TRIP12: variants seen among roughly 807,000 people sequenced by gnomAD.
TRIP12 encodes thyroid hormone receptor interactor 12.
TRIP12 carries 25 observed loss-of-function variants against 244.2 expected under a neutral mutation model. The observed-to-expected ratio is 0.10, with a 90% confidence interval of 0.07 to 0.14. TRIP12 has a LOEUF of 0.14. Ranked by LOEUF, TRIP12 falls within the 10% of genes least tolerant of loss-of-function variation. The pLI is 1.00. For missense variants in TRIP12, 1,677 were observed against 2,486.4 expected, an observed-to-expected ratio of 0.67 and a Z score of 6.92; for synonymous variants, 905 against 873.1, an observed-to-expected ratio of 1.04 and a Z score of -0.64.
In TRIP12 at chr2:229,792,266, A is replaced by C. The variant is rs2041724300; in HGVS notation, c.4142-40T>G. ...AGACTTTTAAACTCTTAGCGATTTT[A>C]GGTGTAAAAAAAAAAAAATCCTGTA... On this transcript the variant is annotated intron_variant, in intron 27 of 41. Coordinates refer to ENST00000675903, the MANE Select transcript of TRIP12 (RefSeq NM_001348323.3). 4 of 1,580,660 alleles carry C rather than the reference A, an allele frequency of 2.5e-6. No individual in the cohort carries two copies. In the South Asian group the frequency reaches 4.6e-5, roughly 18 times the overall value.
At chr2:229,771,700 A>G (rs1295360782) in intron 38 of TRIP12, 68 bp from the exon 39 acceptor site, 1 of 1,182,262 alleles carries the variant, frequency 8.5e-7, no homozygotes, top group African/African-American at 1.5e-5. Flanking sequence ...AATATGTGGC[A>G]AAGTACAGTG....
chr2:229,849,987 T>C (rs2058355134), intron 4 of TRIP12, among the ~76,000 whole-genome samples: 1 of 151,660 alleles, frequency 6.6e-6, no homozygotes, highest in Admixed American at 6.6e-5. Context: ...AGTGATTTTG[T>C]ATTTTTCTTC....
intron 2 of TRIP12, among the ~76,000 whole-genome samples, chr2:229,878,007 CTAAGTA>C (rs1477415371): frequency 1.3e-5 from 2 of 152,152 alleles, no homozygotes; most frequent in South Asian, 2.1e-4. Flanking sequence ...GCTCTATATA[CTAAGTA>C]TAAGTGATAA....
At chr2:229,870,502 G>A (rs1467508887) in intron 2 of TRIP12, among the ~76,000 whole-genome samples, 1 of 152,180 alleles carries the variant, frequency 6.6e-6, no homozygotes, top group African/African-American at 2.4e-5. Flanking sequence ...TTTGGGATCT[G>A]TATAAGATTT....
intron 39 of TRIP12, among the ~76,000 whole-genome samples, chr2:229,769,933 G>T (rs1436727447): frequency 1.3e-5 from 2 of 152,086 alleles, no homozygotes; most frequent in Non-Finnish European, 2.9e-5. Context: ...CCAATTTGAG[G>T]CCAATGAAAT....
chr2:229,771,695 G>T, intron 38 of TRIP12, 63 bp from the exon 39 acceptor site: 1 of 1,258,902 alleles, frequency 7.9e-7, no homozygotes. Flanking sequence ...TATTTAATAT[G>T]TGGCAAAGTA....
rs3215750 is a variant in TRIP12 at position 229,768,856 on chromosome 2, T to TAAATC, written c.5904-138_5904-137insGATTT. 253,415 of 802,774 alleles carry TAAATC rather than the reference T, an allele frequency of 0.32. 42,755 individuals carry two copies. The highest frequency in any genetic ancestry group is 0.42 in the Middle Eastern group (1,268 of 3,004). The allele number at this position is 802,774 out of a possible 1,614,324, so 49.7% of individuals were successfully genotyped here. ...CATACATTTTCCATTACAATGTACT[T>TAAATC]AAATTCGTTTCTGTTATGACTAGAC... On this transcript the variant is annotated intron_variant, in intron 40 of 41. Transcript: ENST00000675903.
intron 2 of TRIP12, among the ~76,000 whole-genome samples, chr2:229,869,224 T>G (rs1258866176): frequency 6.6e-6 from 1 of 152,140 alleles, no homozygotes. Flanking sequence ...CCTTCCTTAC[T>G]CCAATCATGT....
At chr2:229,888,674 G>C (rs745911138) in intron 1 of TRIP12, among the ~76,000 whole-genome samples, 1 of 152,140 alleles carries the variant, frequency 6.6e-6, no homozygotes, top group Non-Finnish European at 1.5e-5. Context: ...GCGTGGTAGC[G>C]CGCCTGTAGT....
chr2:229,855,776 T>A (rs1262939759), intron 4 of TRIP12, among the ~76,000 whole-genome samples: 1 of 152,142 alleles, frequency 6.6e-6, no homozygotes, highest in Non-Finnish European at 1.5e-5. Context: ...GCATGGTGGC[T>A]CAGGCCTGTA....
intron 1 of TRIP12, among the ~76,000 whole-genome samples, chr2:229,912,260 A>T (rs778179233): frequency 2.0e-5 from 3 of 152,244 alleles, no homozygotes; most frequent in Non-Finnish European, 2.9e-5. Context: ...AAACTTTTAT[A>T]TGTAGTATCA....
At chr2:229,789,482 A>T (rs1208424689) in intron 31 of TRIP12, 129 bp downstream of exon 31, 11 of 1,051,430 alleles carry the variant, frequency 1.0e-5, no homozygotes, top group Non-Finnish European at 1.4e-5. Context: ...GTTTCCACTG[A>T]TGAGTACATT....
Position 229,768,691 on chromosome 2 carries a change from G to C in TRIP12, c.5932C>G (p.Leu1978Val). 6.2e-7 allele frequency: 1 copy of C among 1,606,820 alleles called. No individual in the cohort carries two copies. The highest frequency in any genetic ancestry group is 8.5e-7 in the Non-Finnish European group (1 of 1,178,306). Residue 1978 changes from leucine to valine, a missense_variant, in exon 41 of 42, where the codon CTC (leucine) becomes GTC (valine). Leu to Val is a conservative substitution (Grantham distance 32). Coordinates refer to ENST00000675903, the MANE Select transcript of TRIP12 (RefSeq NM_001348323.3). The part of the protein sequence containing the change: ...SRAVKFLFEI[L>V]SSFDNEQQRL... ...TGCTGCTCATTATCAAAACTACTGA[G>C]AATCTCAAACAAAAACTTCACAGCC... is the stretch of plus-strand genomic sequence containing the variant.
intron 1 of TRIP12, among the ~76,000 whole-genome samples, chr2:229,889,198 C>T (rs923040279): frequency 6.6e-6 from 1 of 152,092 alleles, no homozygotes; most frequent in Non-Finnish European, 1.5e-5. Flanking sequence ...TAAGGAAGTA[C>T]GTGCCTAACT....
intron 1 of TRIP12, among the ~76,000 whole-genome samples, chr2:229,907,149 T>C (rs2073080564): frequency 1.3e-5 from 2 of 152,324 alleles, no homozygotes; most frequent in East Asian, 1.9e-4. Flanking sequence ...ACTTTATACA[T>C]TGCCACCAAC....
chr2:229,860,347 C>A, intron 3 of TRIP12, 59 bp downstream of exon 3: 1 of 1,545,022 alleles, frequency 6.5e-7, no homozygotes, highest in Non-Finnish European at 8.8e-7. Context: ...TAACATTATG[C>A]AATGATTTGA....
intron 1 of TRIP12, among the ~76,000 whole-genome samples, chr2:229,897,175 TAA>T (rs1254262679): frequency 6.6e-6 from 1 of 152,162 alleles, no homozygotes. Context: ...TTACCAGAGA[TAA>T]AAAGAGTACC....
intron 34 of TRIP12, among the ~76,000 whole-genome samples, chr2:229,782,992 G>GA (rs2038772948): frequency 6.6e-6 from 1 of 152,138 alleles, no homozygotes; most frequent in Non-Finnish European, 1.5e-5. Context: ...TTGTTTAAAA[G>GA]TATCTGAAAA....
At position 229,836,896 on chromosome 2, in the gene TRIP12, C is replaced by A; in HGVS notation, c.1222G>T (p.Val408Leu). ...MADPESNQEA[V>L]NSSAARTDEA... ...TCTGTCCGAGCAGCTGAAGAATTTACTGCCTCCTGGTTGCTTTCAGGGTCT... is the reference window on the plus strand; with the variant it reads ...TCTGTCCGAGCAGCTGAAGAATTTAATGCCTCCTGGTTGCTTTCAGGGTCT... The change falls in exon 6 of 42, where the codon GTA (valine) becomes TTA (leucine). Residue 408 changes from valine (V) to leucine (L), a missense_variant. Physicochemically the swap from Val to Leu is conservative, Grantham distance 32. This residue lies in a region of TRIP12 where 143 missense variants were observed against 215.6 expected (regional missense o/e 0.66). Coordinates refer to ENST00000675903, the MANE Select transcript of TRIP12 (RefSeq NM_001348323.3). The A allele has an allele frequency of 6.2e-7, 1 of 1,604,738 alleles. No individual in the cohort carries two copies. The highest frequency in any genetic ancestry group is 1.1e-5 in the South Asian group (1 of 89,840).
Sources: gnomAD v4.1 joint callset for allele counts (sites outside exome capture counted in the v4.1 genomes callset) on GRCh38, gnomAD v4.1.1 for gene constraint, gnomAD v4.1.1 regional missense constraint, MANE v1.5 for transcripts, NCBI Gene and HGNC (gene_info 2026-07-23, HGNC 2026-07-21) for gene names.